Variants in HS2ST1 observed in about 807,000 individuals in gnomAD.
The protein encoded by HS2ST1 is 2-O-sulfotransferase.
HS2ST1 carries 18 observed loss-of-function variants against 42.9 expected under a neutral mutation model. That is an observed-to-expected ratio of 0.42 (90% CI 0.29 to 0.62). HS2ST1 has a LOEUF of 0.62. Ranked by LOEUF, HS2ST1 falls within the 20% of genes least tolerant of loss-of-function variation. HS2ST1 has a pLI of 0.21. For synonymous variants in HS2ST1, 146 were observed against 152.9 expected (o/e 0.95, Z 0.33); for missense variants, 334 against 433.8 (o/e 0.77, Z 2.04).
intron 1 of HS2ST1, among the ~76,000 whole-genome samples, chr1:87,008,441 T>C (rs1649502904): frequency 6.6e-6 from 1 of 152,224 alleles, no homozygotes. Flanking sequence ...ACAAAACATT[T>C]ATACACTGTA....
At chr1:87,038,528 C>T (rs552419295) in intron 1 of HS2ST1, among the ~76,000 whole-genome samples, 2 of 152,024 alleles carry the variant, frequency 1.3e-5, no homozygotes. Flanking sequence ...TTGTATGTAA[C>T]AGAAGTTATT....
intron 1 of HS2ST1, among the ~76,000 whole-genome samples, chr1:87,072,493 C>T (rs1372349634): frequency 2.7e-5 from 2 of 73,854 alleles, no homozygotes; most frequent in Non-Finnish European, 7.5e-5. Flanking sequence ...GTATTCCATG[C>T]AATCTTTGTG....
intron 1 of HS2ST1, among the ~76,000 whole-genome samples, chr1:87,067,371 T>C (rs986501766): frequency 2.2e-4 from 34 of 152,256 alleles, no homozygotes; most frequent in Non-Finnish European, 3.5e-4. Context: ...AAATGTCTTC[T>C]TTTGAGAAGT....
chr1:87,100,302 C>T (rs1278853479), intron 5 of HS2ST1, among the ~76,000 whole-genome samples: 1 of 152,308 alleles, frequency 6.6e-6, no homozygotes, highest in East Asian at 1.9e-4. Context: ...CCAATGTTTA[C>T]AGTTTATGCT....
intron 3 of HS2ST1, among the ~76,000 whole-genome samples, chr1:87,087,945 C>T (rs1309048923): frequency 6.6e-6 from 1 of 152,066 alleles, no homozygotes; most frequent in African/African-American, 2.4e-5. Context: ...CACATTGTTT[C>T]AGATCTTTGA....
chr1:87,050,332 T>A (rs1650800654), intron 1 of HS2ST1, among the ~76,000 whole-genome samples: 1 of 151,998 alleles, frequency 6.6e-6, no homozygotes, highest in African/African-American at 2.4e-5. Context: ...CATCAAGTAA[T>A]CTTATTCCTA....
At chr1:86,962,554 C>T (rs993443897) in intron 1 of HS2ST1, among the ~76,000 whole-genome samples, 4 of 152,140 alleles carry the variant, frequency 2.6e-5, no homozygotes, top group African/African-American at 9.7e-5. Flanking sequence ...TAAGGTAATA[C>T]AAATTGAGAT....
chr1:86,985,872 A>G (rs1462626871), intron 1 of HS2ST1, among the ~76,000 whole-genome samples: 1 of 152,102 alleles, frequency 6.6e-6, no homozygotes, highest in African/African-American at 2.4e-5. Context: ...AGCCAAAGAA[A>G]CCAACAATTT....
At chr1:86,985,367 A>AAGTATATATAT (rs1330659867) in intron 1 of HS2ST1, among the ~76,000 whole-genome samples, 1,124 of 40,652 alleles carry the variant, frequency 0.028, 199 homozygotes, top group East Asian at 0.15. Flanking sequence ...AAAAAAAAAA[A>AAGTATATATAT]GTATATATAT....
At chr1:87,039,862 A>G (rs1650475254) in intron 1 of HS2ST1, among the ~76,000 whole-genome samples, 1 of 151,878 alleles carries the variant, frequency 6.6e-6, no homozygotes, top group Non-Finnish European at 1.5e-5. Flanking sequence ...TGGTAGCTGA[A>G]AAAGGAAGTT....
intron 1 of HS2ST1, among the ~76,000 whole-genome samples, chr1:86,954,513 A>G (rs1200632412): frequency 6.6e-6 from 1 of 152,234 alleles, no homozygotes; most frequent in Non-Finnish European, 1.5e-5. Flanking sequence ...TAGGCTTACC[A>G]AATTGTTTAA....
At chr1:86,918,898 C>G (rs1557479148) in intron 1 of HS2ST1, among the ~76,000 whole-genome samples, 1 of 145,280 alleles carries the variant, frequency 6.9e-6, no homozygotes, top group African/African-American at 2.5e-5. Context: ...GGGTGGTTTA[C>G]TTTTTTTTTT....
Position 87,062,723 on chromosome 1 carries a change from G to A in HS2ST1, c.125-10211G>A, listed in dbSNP as rs576232172. Among the ~76,000 whole-genome samples the A allele has an allele frequency of 9.2e-5, 14 of 151,960 alleles. No individual in the cohort carries two copies. The South Asian group carries it at 2.9e-3, about 32-fold the overall frequency. ...GAGTTTTTTTAGCCAGTCTTTTAGG[G>A]TAGGTCTACTGGCAATAAATGCTAA... is the stretch of plus-strand genomic sequence containing the variant. On this transcript the variant is annotated intron_variant, in intron 1 of 6. Transcript: ENST00000370550.
intron 1 of HS2ST1, among the ~76,000 whole-genome samples, chr1:86,925,810 T>G (rs1238360857): frequency 6.6e-6 from 1 of 152,182 alleles, no homozygotes; most frequent in African/African-American, 2.4e-5. Flanking sequence ...TAATAACTCT[T>G]TCTGGTGCTG....
At chr1:86,949,118 A>G (rs1647425422) in intron 1 of HS2ST1, among the ~76,000 whole-genome samples, 1 of 152,096 alleles carries the variant, frequency 6.6e-6, no homozygotes, top group African/African-American at 2.4e-5. Flanking sequence ...TATTTTGTTT[A>G]TTTATTTTAA....
intron 1 of HS2ST1, among the ~76,000 whole-genome samples, chr1:87,051,185 C>T (rs1024579309): frequency 2.6e-5 from 4 of 151,690 alleles, no homozygotes; most frequent in Non-Finnish European, 5.9e-5. Flanking sequence ...AAGTTATGCT[C>T]TCCTCCCCCA....
At chr1:87,046,158 G>GT (rs1411896648) in intron 1 of HS2ST1, 2 of 755,592 alleles carry the variant, frequency 2.6e-6, no homozygotes, top group African/African-American at 3.4e-5. Flanking sequence ...CCAAAACCGT[G>GT]TTAATAGAGT....
intron 1 of HS2ST1, among the ~76,000 whole-genome samples, chr1:86,992,583 A>G (rs2100561697): frequency 6.6e-6 from 1 of 152,196 alleles, no homozygotes. Flanking sequence ...GCTGGTCTCT[A>G]ACTCCTGACC....
chr1:87,078,802 A>G (rs538366255), intron 2 of HS2ST1, among the ~76,000 whole-genome samples: 15 of 152,224 alleles, frequency 9.9e-5, no homozygotes, highest in Middle Eastern at 3.4e-3. Flanking sequence ...GGTCTTAGGC[A>G]GCATGCCCAA....
Sources: allele counts gnomAD v4.1 joint callset (sites outside exome capture counted in the v4.1 genomes callset), GRCh38; gene constraint gnomAD v4.1.1; transcripts MANE v1.5; gene names NCBI Gene and HGNC (gene_info 2026-07-23, HGNC 2026-07-21).